The following SLC9C1 variants were observed in gnomAD, a reference collection of about 807,000 sequenced individuals.
SLC9C1 encodes solute carrier family 9 member C1.
SLC9C1 carries 97 observed loss-of-function variants against 140.9 expected under a neutral mutation model. The observed-to-expected ratio is 0.69, with a 90% CI of 0.58 to 0.82. The LOEUF is 0.82. Ranked by LOEUF, SLC9C1 falls within the 40% of genes least tolerant of loss-of-function variation. SLC9C1 has a pLI of 0.00. For synonymous variants in SLC9C1, 440 were observed against 442.6 expected, an observed-to-expected ratio of 0.99 and a Z score of 0.07; for missense variants, 1,340 against 1,389.3, an observed-to-expected ratio of 0.96 and a Z score of 0.56.
At position 112,277,716 on chromosome 3, in the gene SLC9C1, C is replaced by T. The variant is rs369591814; in HGVS notation, c.463G>A (p.Ala155Thr). 8.2e-6 allele frequency: 13 copies of T among 1,592,244 alleles called. No individual in the cohort carries two copies. Among genetic ancestry groups the T allele is most frequent in the Middle Eastern group, 1.7e-4 (1 of 5,962 alleles). Residue 155 changes from alanine (A) to threonine (T), a missense_variant, in exon 5 of 29, where the codon GCA (alanine) becomes ACA (threonine). Physicochemically the swap from Ala to Thr is moderately conservative, Grantham distance 58. Coordinates refer to ENST00000305815, the MANE Select transcript of SLC9C1 (RefSeq NM_183061.3). ...CTACCAAGGTCTCTTATAGCAGCTG[C>T]GGTTAGCATGGGATCTGAACTCACA... Reference protein sequence around the residue: ...ILVSSDPMLTAAAIRDLGLSR... With the variant: ...ILVSSDPMLTTAAIRDLGLSR...
At chr3:112,217,357 A>T in intron 15 of SLC9C1, 85 bp downstream of exon 15, 3 of 1,470,300 alleles carry the variant, frequency 2.0e-6, no homozygotes, top group Non-Finnish European at 1.8e-6. Context: ...TAATAACAAA[A>T]AATTCAAGAT....
intron 15 of SLC9C1, among the ~76,000 whole-genome samples, chr3:112,210,589 A>T (rs2078174840): frequency 6.6e-6 from 1 of 152,240 alleles, no homozygotes. Context: ...TTATTTTTGG[A>T]CTAATAAATA....
At chr3:112,152,759 C>T (rs1162089210) in intron 27 of SLC9C1, among the ~76,000 whole-genome samples, 2 of 152,128 alleles carry the variant, frequency 1.3e-5, no homozygotes, top group Non-Finnish European at 2.9e-5. Flanking sequence ...ATGACTTTTA[C>T]CAAGCATACT....
chr3:112,225,687 C>T (rs2078665319), intron 13 of SLC9C1, among the ~76,000 whole-genome samples: 1 of 152,032 alleles, frequency 6.6e-6, no homozygotes, highest in African/African-American at 2.4e-5. Flanking sequence ...ACTCACTTCA[C>T]CTGTAAAGAC....
In SLC9C1 at chr3:112,147,886, C is replaced by T. The variant is rs570972284; in HGVS notation, c.3524+3971G>A. ...TATAGGTTGTTTGACTTTTCTCCTT[C>T]TCTAGGGAATGCCAATAATTCATAA... is the stretch of plus-strand genomic sequence containing the variant. On this transcript the variant is annotated intron_variant, in intron 28 of 28. Transcript: ENST00000305815. 8.5e-5 allele frequency among the ~76,000 whole-genome samples: 13 copies of T among 152,282 alleles called. No individual in the cohort carries two copies. In the East Asian group the frequency reaches 2.3e-3, roughly 27 times the overall value.
At chr3:112,145,552 T>C (rs191156346) in intron 28 of SLC9C1, among the ~76,000 whole-genome samples, 1 of 151,194 alleles carries the variant, frequency 6.6e-6, no homozygotes, top group Admixed American at 6.6e-5. Flanking sequence ...TCTTTGTATA[T>C]CTGGTAGAAT....
At chr3:112,153,729 G>A (rs953261433) in intron 27 of SLC9C1, among the ~76,000 whole-genome samples, 3 of 152,170 alleles carry the variant, frequency 2.0e-5, no homozygotes, top group African/African-American at 7.2e-5. Context: ...TGATGCTTAT[G>A]TAGGTTAAAA....
intron 20 of SLC9C1, among the ~76,000 whole-genome samples, chr3:112,196,813 T>G (rs2077778129): frequency 6.6e-6 from 1 of 152,188 alleles, no homozygotes; most frequent in Non-Finnish European, 1.5e-5. Context: ...CACATCTTCC[T>G]TGAGTTCTTT....
chr3:112,142,294 A>G (rs747335252), intron 28 of SLC9C1, among the ~76,000 whole-genome samples: 9 of 152,180 alleles, frequency 5.9e-5, no homozygotes, highest in Non-Finnish European at 1.2e-4. Flanking sequence ...TTTTTTTTAA[A>G]TTCTGCATTT....
rs1484308272 is a variant in SLC9C1 at position 112,206,609 on chromosome 3, A to G, written c.1986+1569T>C. Among the ~76,000 whole-genome samples, 4 of 152,328 alleles carry G rather than the reference A, an allele frequency of 2.6e-5. No homozygotes were observed. The South Asian group carries it at 8.3e-4, about 32-fold the overall frequency. On this transcript the variant is annotated intron_variant, in intron 16 of 28. Coordinates refer to ENST00000305815, the MANE Select transcript of SLC9C1 (RefSeq NM_183061.3). ...GAACCAACCCAAATGTCCATCAATG[A>G]TAGACTGGATTAAGAAAATGTGGCC...
chr3:112,264,019 C>T (rs1345737219), intron 9 of SLC9C1, among the ~76,000 whole-genome samples, 181 bp downstream of exon 9: 1 of 149,390 alleles, frequency 6.7e-6, no homozygotes, highest in Non-Finnish European at 1.5e-5. Flanking sequence ...ATAGAGTTTG[C>T]ATTGCTTTGA....
intron 7 of SLC9C1, among the ~76,000 whole-genome samples, chr3:112,267,578 A>C (rs2079956368): frequency 1.0e-5 from 1 of 96,006 alleles, no homozygotes; most frequent in African/African-American, 3.4e-5. Context: ...TCCGTCTCAA[A>C]AAAAAAAAAA....
In SLC9C1 at chr3:112,276,631, T is replaced by C. The variant is rs1274885895; in HGVS notation, c.484+1064A>G. ...TAAATTAAGTTCAATAGCAGCAGGA[T>C]AGAAAATCAGTGGAATACTAGATTA... On this transcript the variant is annotated intron_variant, in intron 5 of 28. Coordinates refer to ENST00000305815, the MANE Select transcript of SLC9C1 (RefSeq NM_183061.3). 2.0e-5 allele frequency among the ~76,000 whole-genome samples: 3 copies of C among 151,876 alleles called. No individual in the cohort carries two copies. The East Asian group carries it at 5.8e-4, about 29-fold the overall frequency.
intron 17 of SLC9C1, among the ~76,000 whole-genome samples, chr3:112,203,553 CTA>C (rs34058585): frequency 0.3 from 45,905 of 151,684 alleles, 7,154 homozygotes; most frequent in East Asian, 0.36. Context: ...TCCATACAAA[CTA>C]TGTTTTATTT....
chr3:112,207,833 A>G (rs144878379), intron 16 of SLC9C1, among the ~76,000 whole-genome samples: 12 of 152,300 alleles, frequency 7.9e-5, no homozygotes, highest in Non-Finnish European at 1.3e-4. Flanking sequence ...CTAGAGAGAT[A>G]TAAAAATATC....
At chr3:112,228,410 A>T (rs1467928575) in intron 13 of SLC9C1, among the ~76,000 whole-genome samples, 1 of 152,042 alleles carries the variant, frequency 6.6e-6, no homozygotes, top group African/African-American at 2.4e-5. Context: ...TAGATTAAAG[A>T]CTCACAACTA....
At chr3:112,176,701 G>C (rs1182826231) in intron 23 of SLC9C1, among the ~76,000 whole-genome samples, 1 of 152,128 alleles carries the variant, frequency 6.6e-6, no homozygotes, top group Non-Finnish European at 1.5e-5. Context: ...TTTACTATCT[G>C]ATCACACTGA....
At chr3:112,165,182 T>C (rs923141946) in intron 26 of SLC9C1, among the ~76,000 whole-genome samples, 1 of 152,208 alleles carries the variant, frequency 6.6e-6, no homozygotes, top group African/African-American at 2.4e-5. Context: ...TCTAAGTTTT[T>C]TTCAAGGTTT....
intron 2 of SLC9C1, among the ~76,000 whole-genome samples, chr3:112,285,628 T>C (rs924534462): frequency 2.6e-5 from 4 of 152,172 alleles, no homozygotes; most frequent in African/African-American, 9.7e-5. Flanking sequence ...TAATTTCAGC[T>C]TGCATGCTCA....
Sources: allele counts gnomAD v4.1 joint callset (sites outside exome capture counted in the v4.1 genomes callset), GRCh38; gene constraint gnomAD v4.1.1; transcripts MANE v1.5; gene names NCBI Gene and HGNC (gene_info 2026-07-23, HGNC 2026-07-21).